Variants in NFYA observed in about 807,000 individuals in gnomAD.
NFYA encodes the protein CAAT-box DNA binding protein subunit A.
A neutral mutation model predicts 52.8 loss-of-function variants in NFYA; 28 were observed. The observed-to-expected ratio is 0.53, with a 90% CI of 0.39 to 0.73. The LOEUF (loss-of-function observed/expected upper bound fraction) is 0.73, where lower values mean the gene tolerates loss of function less well. Among genes scored for constraint, NFYA ranks in the 30% least tolerant of loss-of-function variants. NFYA has a pLI of 0.00. For missense variants in NFYA, 234 were observed against 427.0 expected (o/e 0.55, Z 3.98); for synonymous variants, 150 against 150.7 (o/e 1.00, Z 0.03).
rs1764492372 is a variant in NFYA, at chr6:41,101,179, G to C, written c.*3769G>C. The stretch of plus-strand genomic sequence containing the variant: ...GTCCTCCTAGGCGTCCATGTGACGG[G>C]TGAGGGCGACGGCCGGCACTTGCAC... On this transcript the variant is annotated 3_prime_UTR_variant, in exon 10 of 10. Transcript: ENST00000341376. 1 of 152,290 alleles carries C rather than the reference G, an allele frequency of 6.6e-6. No individual in the cohort carries two copies. The allele number at this position is 152,290 out of a possible 1,614,324, so 9.4% of individuals were successfully genotyped here.
intron 3 of NFYA, among the ~76,000 whole-genome samples, chr6:41,081,333 C>CA (rs1275826569): frequency 2.6e-5 from 4 of 151,730 alleles, no homozygotes; most frequent in South Asian, 2.1e-4. Context: ...ACTAAAAATA[C>CA]AAAAAAATTA....
intron 1 of NFYA, among the ~76,000 whole-genome samples, chr6:41,076,914 T>C (rs1478192636): frequency 6.6e-6 from 1 of 152,202 alleles, no homozygotes; most frequent in Non-Finnish European, 1.5e-5. Flanking sequence ...GCTAAATCAC[T>C]CTGTCATTAA....
intron 3 of NFYA, 146 bp from the exon 4 acceptor site, chr6:41,083,900 T>G: frequency 1.4e-6 from 1 of 701,850 alleles, no homozygotes; most frequent in Non-Finnish European, 2.2e-6. Context: ...TAAAGATAAC[T>G]TGAGGACTTG....
At chr6:41,075,007 C>G (rs1015117539) in intron 1 of NFYA, among the ~76,000 whole-genome samples, 2 of 151,572 alleles carry the variant, frequency 1.3e-5, no homozygotes, top group South Asian at 4.1e-4. Context: ...AACTCGTATT[C>G]CAGTGCTCTT....
chr6:41,091,303 C>T (rs1450572267), intron 6 of NFYA, among the ~76,000 whole-genome samples: 1 of 152,204 alleles, frequency 6.6e-6, no homozygotes, highest in Non-Finnish European at 1.5e-5. Flanking sequence ...GATAGAGTTA[C>T]TCAAAACTGG....
At chr6:41,094,530 T>G in intron 9 of NFYA, 33 bp downstream of exon 9, 9 of 1,537,684 alleles carry the variant, frequency 5.9e-6, no homozygotes, top group Non-Finnish European at 7.2e-6. Flanking sequence ...TTCTTCTCTT[T>G]ATTACCTTGT....
In NFYA at chr6:41,091,560, C is replaced by T; in HGVS notation, c.580C>T (p.Pro194Ser). 1.2e-6 allele frequency: 2 copies of T among 1,614,046 alleles called. No individual in the cohort carries two copies. Among genetic ancestry groups the T allele is most frequent in the Non-Finnish European group, 1.7e-6 (2 of 1,180,018 alleles). ...CCCTGTTTCAGGCATGATCACTATCCCAGCAGCCAGTTTGGCAGGAGCACA... is the reference window on the plus strand; with the variant it reads ...CCCTGTTTCAGGCATGATCACTATCTCAGCAGCCAGTTTGGCAGGAGCACA... Reference protein sequence around the residue: ...TVPVSGMITIPAASLAGAQIV... With the variant: ...TVPVSGMITISAASLAGAQIV... The change falls in exon 7 of 10, where the codon CCA becomes TCA. Residue 194 changes from proline (P) to serine (S), a missense_variant. Physicochemically the swap from Pro to Ser is moderately conservative, Grantham distance 74 (BLOSUM62 -1). Around this residue, in one of 3 missense-constraint regions of NFYA, gnomAD observed 81 missense variants for 210.5 expected, o/e 0.38. Coordinates refer to ENST00000341376, the MANE Select transcript of NFYA (RefSeq NM_002505.5).
At chr6:41,090,663 T>G (rs1764175992) in intron 6 of NFYA, among the ~76,000 whole-genome samples, 1 of 152,240 alleles carries the variant, frequency 6.6e-6, no homozygotes, top group African/African-American at 2.4e-5. Flanking sequence ...TATGTTTTTT[T>G]CTGGGTCATT....
At chr6:41,092,375 AAAAT>A (rs1476118524) in intron 7 of NFYA, among the ~76,000 whole-genome samples, 1 of 152,236 alleles carries the variant, frequency 6.6e-6, no homozygotes, top group African/African-American at 2.4e-5. Context: ...AATTGAATGA[AAAAT>A]AAATAATTTT....
chr6:41,076,174 G>A (rs1278803045), intron 1 of NFYA, among the ~76,000 whole-genome samples: 5 of 152,194 alleles, frequency 3.3e-5, no homozygotes, highest in East Asian at 1.9e-4. Context: ...TTGGGAAGCC[G>A]AAGTGGGAGA....
rs1208535421 is a variant in NFYA, at chr6:41,073,037, G to C, written c.-109G>C. On this transcript the variant is annotated 5_prime_UTR_variant, in exon 1 of 10. Coordinates refer to ENST00000341376, the MANE Select transcript of NFYA (RefSeq NM_002505.5). ...GCCTCTGATTGGGTTTCGGAGTCCG[G>C]TACTGGAGCCAATCAGCGCGGGCAG... 1 of 154,728 alleles carries C rather than the reference G, an allele frequency of 6.5e-6. No homozygotes were observed. Among genetic ancestry groups the C allele is most frequent in the Non-Finnish European group, 1.4e-5 (1 of 69,012 alleles). The allele number at this position is 154,728 out of a possible 1,614,324, so 9.6% of individuals were successfully genotyped here. A position where few individuals can be genotyped will look rare whatever the true frequency, so the allele number is the denominator to read the frequency against.
intron 2 of NFYA, 78 bp downstream of exon 2, chr6:41,079,242 C>A: frequency 7.4e-7 from 1 of 1,345,860 alleles, no homozygotes; most frequent in Non-Finnish European, 1.1e-6. Context: ...GTCTATTGCC[C>A]TGGGGAATTA....
intron 4 of NFYA, among the ~76,000 whole-genome samples, chr6:41,087,595 A>C (rs1457710994): frequency 1.3e-5 from 2 of 152,258 alleles, no homozygotes; most frequent in Non-Finnish European, 2.9e-5. Flanking sequence ...AAAGAAGCAA[A>C]GAGAAGGTTA....
In NFYA at chr6:41,099,703, T is replaced by C. The variant is rs1260261841; in HGVS notation, c.*2293T>C. 2 of 151,406 alleles carry C rather than the reference T, an allele frequency of 1.3e-5. No individual in the cohort carries two copies. The highest frequency in any genetic ancestry group is 4.8e-5 in the African/African-American group (2 of 41,348). 9.4% of individuals were successfully genotyped at this position (151,406 alleles called of 1,614,324 possible). A position where few individuals can be genotyped will look rare whatever the true frequency, so the allele number is the denominator to read the frequency against. On this transcript the variant is annotated 3_prime_UTR_variant, in exon 10 of 10. Transcript: ENST00000341376. ...GAATAATTGGTTTAATGCCTAGTTA[T>C]GCAACTTGAGTGCTTTTTTTTTTTT...
chr6:41,102,276 C>T lies in NFYA; in HGVS notation c.*4866C>T, dbSNP rs1330840978. On this transcript the variant is annotated 3_prime_UTR_variant, in exon 10 of 10. Transcript: ENST00000341376. ...TGCCACTGAAAAGCTAGACCTTTGCCTATTATCTGCTAATCTACCCAGTCT... is the reference window on the plus strand; with the variant it reads ...TGCCACTGAAAAGCTAGACCTTTGCTTATTATCTGCTAATCTACCCAGTCT... Among the ~76,000 whole-genome samples the T allele has an allele frequency of 1.3e-5, 2 of 152,272 alleles. No individual in the cohort carries two copies. The highest frequency in any genetic ancestry group is 2.9e-5 in the Non-Finnish European group (2 of 68,028).
chr6:41,073,329 G>A (rs1582014551), intron 1 of NFYA, among the ~76,000 whole-genome samples: 1 of 151,884 alleles, frequency 6.6e-6, no homozygotes, highest in East Asian at 2.0e-4. Flanking sequence ...GGCACCTCGG[G>A]GCTCCGACCC....
chr6:41,091,666 A>C lies in NFYA; in HGVS notation c.686A>C (p.Asn229Thr). 1.2e-6 allele frequency: 2 copies of C among 1,614,212 alleles called. No individual in the cohort carries two copies. The highest frequency in any genetic ancestry group is 1.7e-6 in the Non-Finnish European group (2 of 1,180,026). Residue 229 changes from asparagine (N) to threonine (T), a missense_variant, in exon 7 of 10, where the codon AAT becomes ACT. Around this residue, in one of 3 missense-constraint regions of NFYA, gnomAD observed 81 missense variants for 210.5 expected, o/e 0.38. Coordinates refer to ENST00000341376, the MANE Select transcript of NFYA (RefSeq NM_002505.5). ...ACTGTGACACTACCAGTGGCAGGCAATGTGGTCAATTCAGGAGGGATGGTC... is the reference window on the plus strand; with the variant it reads ...ACTGTGACACTACCAGTGGCAGGCACTGTGGTCAATTCAGGAGGGATGGTC... ...TVTVTLPVAGNVVNSGGMVMM... is the reference protein window; with the variant it reads ...TVTVTLPVAGTVVNSGGMVMM...
chr6:41,080,359 A>G (rs915542035), intron 2 of NFYA, among the ~76,000 whole-genome samples: 3 of 152,158 alleles, frequency 2.0e-5, no homozygotes, highest in African/African-American at 7.2e-5. Flanking sequence ...CGTCATGAAG[A>G]TGATTTCGGT....
At chr6:41,081,546 G>A (rs1219792839) in intron 3 of NFYA, among the ~76,000 whole-genome samples, 1 of 152,062 alleles carries the variant, frequency 6.6e-6, no homozygotes, top group African/African-American at 2.4e-5. Context: ...TAATTGCATG[G>A]TAAAAATTTT....
Sources: allele counts gnomAD v4.1 joint callset (sites outside exome capture counted in the v4.1 genomes callset), GRCh38; gene constraint gnomAD v4.1.1; regional missense constraint gnomAD v4.1.1; transcripts MANE v1.5; gene names NCBI Gene and HGNC (gene_info 2026-07-23, HGNC 2026-07-21).